Variants in ADCY2 observed in about 807,000 individuals in gnomAD.
ADCY2 encodes adenylate cyclase type 2.
In ADCY2, 31 loss-of-function variants were observed where a neutral mutation model predicts 125.2. That is an observed-to-expected ratio of 0.25 (90% CI 0.19 to 0.33). ADCY2 has a LOEUF of 0.33. Ranked by LOEUF, ADCY2 falls within the 10% of genes least tolerant of loss-of-function variation. The pLI, the probability that ADCY2 is intolerant of heterozygous loss-of-function variation, is 1.00. For synonymous variants in ADCY2, 512 were observed against 548.4 expected (o/e 0.93, Z 0.93); for missense variants, 904 against 1,418.2 (o/e 0.64, Z 5.82).
At chr5:7,570,103 A>C (rs1460290646) in intron 3 of ADCY2, among the ~76,000 whole-genome samples, 1 of 152,108 alleles carries the variant, frequency 6.6e-6, no homozygotes, top group Non-Finnish European at 1.5e-5. Context: ...CTTCTGCTTG[A>C]AAATTTCACT....
At chr5:7,676,516 TA>T (rs33974520) in intron 4 of ADCY2, among the ~76,000 whole-genome samples, 55,020 of 120,692 alleles carry the variant, frequency 0.46, 10,587 homozygotes, top group Non-Finnish European at 0.5. Flanking sequence ...CAACATGAAT[TA>T]AAAAAAAAAT....
chr5:7,446,256 T>G (rs916631190), intron 2 of ADCY2, among the ~76,000 whole-genome samples: 1 of 152,240 alleles, frequency 6.6e-6, no homozygotes, highest in Non-Finnish European at 1.5e-5. Flanking sequence ...CATAGATCAT[T>G]TAATATCTTC....
intron 14 of ADCY2, among the ~76,000 whole-genome samples, 158 bp from the exon 15 acceptor site, chr5:7,743,510 A>AT: frequency 6.6e-6 from 1 of 152,216 alleles, no homozygotes; most frequent in Non-Finnish European, 1.5e-5. Context: ...ATGGACATGT[A>AT]TGTGGCATTT....
At chr5:7,401,319 C>T (rs947529848) in intron 1 of ADCY2, among the ~76,000 whole-genome samples, 8 of 152,104 alleles carry the variant, frequency 5.3e-5, no homozygotes, top group Admixed American at 1.3e-4. Flanking sequence ...AACTGAGACC[C>T]GGAGAAGTGA....
At chr5:7,441,092 C>T (rs1045255298) in intron 2 of ADCY2, among the ~76,000 whole-genome samples, 5 of 152,124 alleles carry the variant, frequency 3.3e-5, no homozygotes, top group South Asian at 2.1e-4. Flanking sequence ...TTTGGAGATA[C>T]GTTCTTAGGA....
At chr5:7,495,304 C>T (rs140042013) in intron 2 of ADCY2, among the ~76,000 whole-genome samples, 19 of 152,290 alleles carry the variant, frequency 1.2e-4, no homozygotes, top group African/African-American at 3.4e-4. Flanking sequence ...TGCCAGGAAA[C>T]GCCTGTATCT....
chr5:7,533,047 G>GAT (rs961994777), intron 3 of ADCY2, among the ~76,000 whole-genome samples: 5 of 147,832 alleles, frequency 3.4e-5, no homozygotes, highest in African/African-American at 1.2e-4. Context: ...ATAAACATTT[G>GAT]ATATATATAC....
chr5:7,676,150 C>T (rs1487790701), intron 4 of ADCY2, among the ~76,000 whole-genome samples: 1 of 152,038 alleles, frequency 6.6e-6, no homozygotes, highest in Admixed American at 6.5e-5. Flanking sequence ...GTTTTGAATC[C>T]AAGTTGCATA....
intron 4 of ADCY2, among the ~76,000 whole-genome samples, chr5:7,632,205 A>G (rs976018322): frequency 6.6e-6 from 1 of 152,286 alleles, no homozygotes; most frequent in East Asian, 1.9e-4. Context: ...GGAGAAACAC[A>G]CATCGTGCGG....
chr5:7,534,087 C>T (rs1012423011), intron 3 of ADCY2, among the ~76,000 whole-genome samples: 2 of 152,312 alleles, frequency 1.3e-5, no homozygotes, highest in East Asian at 1.9e-4. Context: ...CTCCTGCCAG[C>T]GTTCATACCA....
chr5:7,773,114 C>T lies in ADCY2; in HGVS notation c.2384+13C>T. The stretch of plus-strand genomic sequence containing the variant: ...TCTTATTTGAGAGGTGAGCCACGGC[C>T]TCTTCCTTCTCTTACTATAGTTCTT... On this transcript the variant is annotated intron_variant, in intron 18 of 24. Transcript: ENST00000338316. The T allele has an allele frequency of 1.2e-6, 2 of 1,612,006 alleles. No homozygotes were observed. The highest frequency in any genetic ancestry group is 2.2e-5 in the East Asian group (1 of 44,844).
At position 7,709,099 on chromosome 5, in the gene ADCY2, G is replaced by A. The variant is rs1741358130; in HGVS notation, c.1402-112G>A. The A allele has an allele frequency of 9.3e-7, 1 of 1,079,592 alleles. No individual in the cohort carries two copies. Among genetic ancestry groups the A allele is most frequent in the Non-Finnish European group, 1.3e-6 (1 of 796,226 alleles). The allele number at this position is 1,079,592 out of a possible 1,614,324, so 66.9% of individuals were successfully genotyped here. On this transcript the variant is annotated intron_variant, in intron 9 of 24. Coordinates refer to ENST00000338316, the MANE Select transcript of ADCY2 (RefSeq NM_020546.3). The surrounding 1 kb of genome is among the most constrained non-coding windows in gnomAD (Gnocchi z 4.4). ...GGAATAAGGACAGAAAACACAGAGG[G>A]CGAATAGAGGGCTGTCAGGAGGAAT...
chr5:7,532,457 T>C (rs1734680704), intron 3 of ADCY2, among the ~76,000 whole-genome samples: 1 of 152,328 alleles, frequency 6.6e-6, no homozygotes, highest in Non-Finnish European at 1.5e-5. Context: ...TTCTTCTCTT[T>C]CCAACTGCTT....
intron 13 of ADCY2, 115 bp from the exon 14 acceptor site, chr5:7,727,049 A>C (rs912458042): frequency 8.3e-6 from 6 of 724,510 alleles, no homozygotes; most frequent in African/African-American, 7.1e-5. Context: ...CGTTGGCTGC[A>C]ATCTGCACAA....
At chr5:7,621,905 G>C (rs1169512516) in intron 3 of ADCY2, among the ~76,000 whole-genome samples, 1 of 152,168 alleles carries the variant, frequency 6.6e-6, no homozygotes, top group Admixed American at 6.5e-5. Context: ...ACAGATTCCA[G>C]ACCCCGCGCA....
At chr5:7,668,445 CAGAT>C (rs1739829176) in intron 4 of ADCY2, among the ~76,000 whole-genome samples, 1 of 152,198 alleles carries the variant, frequency 6.6e-6, no homozygotes, top group South Asian at 2.1e-4. Flanking sequence ...TCTCAATAGA[CAGAT>C]AGACAGCAAT....
intron 20 of ADCY2, among the ~76,000 whole-genome samples, chr5:7,792,827 A>T (rs753321616): frequency 3.3e-5 from 5 of 152,212 alleles, no homozygotes; most frequent in Non-Finnish European, 5.9e-5. Context: ...CCTCATCCAT[A>T]AAAGAAGAAG....
chr5:7,791,440 T>C (rs1376874910), intron 20 of ADCY2, among the ~76,000 whole-genome samples: 2 of 152,152 alleles, frequency 1.3e-5, no homozygotes, highest in East Asian at 3.8e-4. Flanking sequence ...GATTTGAAGT[T>C]GGCATTAAGA....
intron 2 of ADCY2, among the ~76,000 whole-genome samples, chr5:7,431,636 A>G (rs1349304728): frequency 6.6e-6 from 1 of 150,802 alleles, no homozygotes; most frequent in Non-Finnish European, 1.5e-5. Flanking sequence ...GAAAATGAAA[A>G]TGCAAACCAC....
Sources: allele counts gnomAD v4.1 joint callset (sites outside exome capture counted in the v4.1 genomes callset), GRCh38; gene constraint gnomAD v4.1.1; non-coding constraint Gnocchi (gnomAD v3.1); transcripts MANE v1.5; gene names NCBI Gene and HGNC (gene_info 2026-07-23, HGNC 2026-07-21).